FBXL5: variants seen among roughly 807,000 people sequenced by gnomAD.
FBXL5 encodes the protein F-box/LRR-repeat protein 5.
A neutral mutation model predicts 78.3 loss-of-function variants in FBXL5; 26 were observed. The ratio of observed to expected loss-of-function variants is 0.33; its 90% CI spans 0.24 to 0.46. The LOEUF is 0.46. FBXL5 is among the 20% of genes least tolerant of loss of function. The pLI is 1.00. For missense variants in FBXL5, 710 were observed against 829.2 expected (o/e 0.86, Z 1.77); for synonymous variants, 295 against 282.5 (o/e 1.04, Z -0.45).
intron 1 of FBXL5, among the ~76,000 whole-genome samples, chr4:15,654,848 G>C (rs1489754311): frequency 6.6e-6 from 1 of 152,170 alleles, no homozygotes; most frequent in Non-Finnish European, 1.5e-5. Flanking sequence ...AGGGCTTCGA[G>C]GAGGTAGGGC....
intron 1 of FBXL5, among the ~76,000 whole-genome samples, chr4:15,647,284 C>CAACA (rs146902308): frequency 1.8e-3 from 239 of 134,252 alleles, no homozygotes; most frequent in African/African-American, 6.2e-3. Context: ...ACAACAACAA[C>CAACA]AAAAAACAAT....
At chr4:15,645,955 A>C (rs1183256642) in intron 1 of FBXL5, among the ~76,000 whole-genome samples, 1 of 152,230 alleles carries the variant, frequency 6.6e-6, no homozygotes, top group African/African-American at 2.4e-5. Context: ...TGAACAAAAC[A>C]AAGATTTCTT....
chr4:15,619,901 A>T (rs1478369304), intron 9 of FBXL5, among the ~76,000 whole-genome samples: 2 of 152,000 alleles, frequency 1.3e-5, no homozygotes, highest in African/African-American at 4.8e-5. Context: ...AAACCCTAAA[A>T]CCTGTTAGAA....
In FBXL5 at chr4:15,630,922, T is replaced by G. The variant is rs1024904650; in HGVS notation, c.767-131A>C. The G allele has an allele frequency of 2.7e-5, 30 of 1,096,054 alleles. No individual in the cohort carries two copies. In the East Asian group the frequency reaches 3.9e-4, roughly 14 times the overall value. The allele number at this position is 1,096,054 out of a possible 1,614,324, so 67.9% of individuals were successfully genotyped here. ...CTGAGCCCTAGGCAATAAGCAACTG[T>G]TTTTTTTTAATACTTTTAAGTTCTA... is the stretch of plus-strand genomic sequence containing the variant. On this transcript the variant is annotated intron_variant, in intron 5 of 10. Coordinates refer to ENST00000341285, the MANE Select transcript of FBXL5 (RefSeq NM_012161.4).
chr4:15,622,273 G>C (rs924524901), intron 9 of FBXL5, among the ~76,000 whole-genome samples: 1 of 152,156 alleles, frequency 6.6e-6, no homozygotes, highest in African/African-American at 2.4e-5. Context: ...TATAAATTAA[G>C]TTGTATGTTT....
At chr4:15,637,322 G>A (rs1486384285) in intron 4 of FBXL5, among the ~76,000 whole-genome samples, 1 of 152,120 alleles carries the variant, frequency 6.6e-6, no homozygotes, top group Non-Finnish European at 1.5e-5. Context: ...ATTGCAGGAA[G>A]TACTTATGGA....
chr4:15,604,670 T>C lies in FBXL5; in HGVS notation c.*1053A>G, dbSNP rs1381998239. The C allele has an allele frequency of 3.3e-5, 5 of 152,232 alleles. No homozygotes were observed. The highest frequency in any genetic ancestry group is 3.3e-4 in the Admixed American group (5 of 15,284). The allele number at this position is 152,232 out of a possible 1,614,324, so 9.4% of individuals were successfully genotyped here. On this transcript the variant is annotated 3_prime_UTR_variant, in exon 11 of 11. Coordinates refer to ENST00000341285, the MANE Select transcript of FBXL5 (RefSeq NM_012161.4). Reference sequence around the variant, plus strand: ...AAGCAAAACGCAATAAGATGACATATGCCTGTATCTGTATCAATAGGAGGA... The same window carrying C: ...AAGCAAAACGCAATAAGATGACATACGCCTGTATCTGTATCAATAGGAGGA...
chr4:15,654,215 T>C (rs1444736315), intron 1 of FBXL5, among the ~76,000 whole-genome samples: 1 of 152,212 alleles, frequency 6.6e-6, no homozygotes, highest in African/African-American at 2.4e-5. Context: ...TAAAAGTTGA[T>C]TTCTATGCTT....
intron 5 of FBXL5, among the ~76,000 whole-genome samples, chr4:15,636,154 C>T (rs1714240875): frequency 6.6e-6 from 1 of 152,016 alleles, no homozygotes; most frequent in African/African-American, 2.4e-5. Context: ...GAATTTTTAA[C>T]TTTTAATTCT....
chr4:15,631,812 A>G (rs987046112), intron 5 of FBXL5, among the ~76,000 whole-genome samples: 5 of 152,100 alleles, frequency 3.3e-5, no homozygotes, highest in Admixed American at 2.0e-4. Flanking sequence ...GATTCTGGAT[A>G]TTAGCCCTTT....
chr4:15,630,878 C>A, intron 5 of FBXL5, 87 bp from the exon 6 acceptor site: 1 of 1,531,320 alleles, frequency 6.5e-7, no homozygotes, highest in Admixed American at 2.0e-5. Context: ...CGATAAAAAT[C>A]TCTACAAAGA....
At chr4:15,656,386 C>A (rs1273942132), upstream of FBXL5, 1 of 432,912 alleles carries the variant, frequency 2.3e-6, no homozygotes, top group Non-Finnish European at 4.6e-6. Flanking sequence ...AGCCTGAGAA[C>A]CTTGGGAGGA....
At chr4:15,651,746 C>T (rs189074914) in intron 1 of FBXL5, among the ~76,000 whole-genome samples, 164 of 152,234 alleles carry the variant, frequency 1.1e-3, no homozygotes, top group African/African-American at 3.7e-3. Flanking sequence ...TAAAAGTAAA[C>T]AGCACTTTTA....
At chr4:15,622,443 C>T (rs1287341853) in intron 9 of FBXL5, among the ~76,000 whole-genome samples, 2 of 152,282 alleles carry the variant, frequency 1.3e-5, no homozygotes, top group East Asian at 1.9e-4. Context: ...AGGAAATGTA[C>T]ACAGAATGCC....
At chr4:15,666,040 C>A (rs1016827986) in intron 1 of FBXL5, among the ~76,000 whole-genome samples, 8 of 151,536 alleles carry the variant, frequency 5.3e-5, no homozygotes, top group African/African-American at 1.5e-4. Flanking sequence ...AAAAAAATGA[C>A]CATTTCCTCA....
In FBXL5 at chr4:15,625,763, A is replaced by C. The variant is rs765142139; in HGVS notation, c.1339T>G (p.Leu447Val). 1 of 1,614,194 alleles carries C rather than the reference A, an allele frequency of 6.2e-7. No homozygotes were observed. The highest frequency in any genetic ancestry group is 8.5e-7 in the Non-Finnish European group (1 of 1,180,020). ...ATGCCCTTGTTAGTTAAATCGTGCA[A>C]ACAGGCATACTGCTTGGTGGACTGC... ...TMQSTKQYAC[L>V]HDLTNKGIGE... Residue 447 changes from leucine (L) to valine (V), a missense_variant, in exon 9 of 11, where the codon TTG (leucine) becomes GTG (valine). Leu to Val is a conservative substitution (Grantham distance 32, BLOSUM62 1). Coordinates refer to ENST00000341285, the MANE Select transcript of FBXL5 (RefSeq NM_012161.4).
chr4:15,647,902 G>A (rs573044773), intron 1 of FBXL5, among the ~76,000 whole-genome samples: 1 of 152,280 alleles, frequency 6.6e-6, no homozygotes, highest in South Asian at 2.1e-4. Flanking sequence ...CACCCAGGCT[G>A]CAGTGCAGTG....
At chr4:15,646,504 C>G (rs1715361498) in intron 1 of FBXL5, among the ~76,000 whole-genome samples, 1 of 149,918 alleles carries the variant, frequency 6.7e-6, no homozygotes, top group Admixed American at 6.6e-5. Context: ...TTAGTAGAAG[C>G]AGGGTACAAA....
In FBXL5 at chr4:15,625,355, C is replaced by A; in HGVS notation, c.1747G>T (p.Asp583Tyr). 1.2e-6 allele frequency: 2 copies of A among 1,614,204 alleles called. No homozygotes were observed. Among genetic ancestry groups the A allele is most frequent in the South Asian group, 1.1e-5 (1 of 91,076 alleles). The change falls in exon 9 of 11, where the codon GAC (aspartate) becomes TAC (tyrosine). Residue 583 changes from aspartate (D) to tyrosine (Y), a missense_variant. Transcript: ENST00000341285. ...AARTRLPRGK[D>Y]LIYFGSEKSD... ...TTTTCACTCCCAAAGTAAATTAAGTCTTTTCCCCTAGGCAATCTAGTCCTT... is the reference window on the plus strand; with the variant it reads ...TTTTCACTCCCAAAGTAAATTAAGTATTTTCCCCTAGGCAATCTAGTCCTT...
Sources: allele counts gnomAD v4.1 joint callset (sites outside exome capture counted in the v4.1 genomes callset), GRCh38; gene constraint gnomAD v4.1.1; transcripts MANE v1.5; gene names NCBI Gene and HGNC (gene_info 2026-07-23, HGNC 2026-07-21).